CCDC88C: variants seen among roughly 807,000 people sequenced by gnomAD.
CCDC88C encodes the protein protein Daple.
Under a neutral mutation model 198.8 loss-of-function variants are expected in CCDC88C, and 131 were observed. The observed-to-expected ratio is 0.66, with a 90% CI of 0.57 to 0.76. The LOEUF (loss-of-function observed/expected upper bound fraction) is 0.76, where lower values mean the gene tolerates loss of function less well. Ranked by LOEUF, CCDC88C falls within the 30% of genes least tolerant of loss-of-function variation. The pLI is 0.00. For synonymous variants in CCDC88C, 1,166 were observed against 1,114.7 expected (o/e 1.05, Z -0.92); for missense variants, 2,553 against 2,631.6 (o/e 0.97, Z 0.65).
chr14:91,402,718 G>C (rs1339010425), intron 3 of CCDC88C, among the ~76,000 whole-genome samples: 1 of 152,126 alleles, frequency 6.6e-6, no homozygotes, highest in Non-Finnish European at 1.5e-5. Context: ...AAAGGAAAAG[G>C]TCTCAAGCAA....
At chr14:91,278,862 G>C (rs1264520699) in intron 28 of CCDC88C, among the ~76,000 whole-genome samples, 1 of 130,062 alleles carries the variant, frequency 7.7e-6, no homozygotes, top group Non-Finnish European at 1.6e-5. Flanking sequence ...ATAATAATAT[G>C]ACCCCAGAGC....
At chr14:91,300,168 T>C (rs1453368298) in intron 20 of CCDC88C, 98 bp from the exon 21 acceptor site, 11 of 1,490,922 alleles carry the variant, frequency 7.4e-6, no homozygotes, top group South Asian at 6.3e-5. Flanking sequence ...CGTGAGAAAA[T>C]GGGATTCCTC....
chr14:91,327,563 T>C (rs1257631327), intron 10 of CCDC88C, among the ~76,000 whole-genome samples: 1 of 152,158 alleles, frequency 6.6e-6, no homozygotes, highest in Non-Finnish European at 1.5e-5. Flanking sequence ...GCCACGAACC[T>C]AGTGAGGTAC....
chr14:91,367,343 T>C (rs1894590085), intron 3 of CCDC88C, among the ~76,000 whole-genome samples: 2 of 152,160 alleles, frequency 1.3e-5, no homozygotes, highest in South Asian at 4.2e-4. Context: ...AAGAGAGCCT[T>C]CCACACAGCC....
chr14:91,307,252 G>A (rs1179531312), intron 17 of CCDC88C, 26 bp from the exon 18 acceptor site: 1 of 1,607,336 alleles, frequency 6.2e-7, no homozygotes, highest in East Asian at 2.2e-5. Flanking sequence ...TAAGCAAGGA[G>A]GCTTTAGGCG....
chr14:91,305,936 C>T lies in CCDC88C; in HGVS notation c.3196-10G>A, dbSNP rs748133657. 1.1e-5 allele frequency: 17 copies of T among 1,611,084 alleles called. No homozygotes were observed. Among genetic ancestry groups the T allele is most frequent in the South Asian group, 3.3e-5 (3 of 91,000 alleles). ...CCTGCAGAGCTGCATTCTAGAAGAT[C>T]GGGAGGCATGAGCGAATCAAACTCC... On this transcript the variant is annotated splice_polypyrimidine_tract_variant and intron_variant, in intron 18 of 29. Coordinates refer to ENST00000389857, the MANE Select transcript of CCDC88C (RefSeq NM_001080414.4).
At chr14:91,395,084 G>A (rs561437599) in intron 3 of CCDC88C, among the ~76,000 whole-genome samples, 5 of 152,292 alleles carry the variant, frequency 3.3e-5, no homozygotes, top group Admixed American at 2.0e-4. Context: ...GACTCTCAGA[G>A]ATGAAGTAAC....
chr14:91,283,250 T>C (rs1890272010), intron 26 of CCDC88C, 79 bp downstream of exon 26: 3 of 1,424,492 alleles, frequency 2.1e-6, no homozygotes, highest in East Asian at 2.4e-5. Flanking sequence ...GAGCAACCTC[T>C]CTGATTTCCG....
chr14:91,413,109 C>A (rs1028475232), intron 2 of CCDC88C, among the ~76,000 whole-genome samples: 1 of 152,166 alleles, frequency 6.6e-6, no homozygotes, highest in African/African-American at 2.4e-5. Context: ...TTAAAGGGCA[C>A]AAGCTCTCAG....
rs771338093 is a variant in CCDC88C, at chr14:91,318,818, C to T, written c.1527+2302G>A. 1.9e-4 allele frequency among the ~76,000 whole-genome samples: 29 copies of T among 148,818 alleles called. 1 individual carries two copies. The highest frequency in any genetic ancestry group is 4.0e-4 in the Non-Finnish European group (27 of 67,732). Reference sequence around the variant, plus strand: ...CTGTAATCCCAGCTACTTGGGAGGCCGAGACAGGAGCATCGCTTGAACCCA... The same window carrying T: ...CTGTAATCCCAGCTACTTGGGAGGCTGAGACAGGAGCATCGCTTGAACCCA... On this transcript the variant is annotated intron_variant, in intron 13 of 29. Transcript: ENST00000389857.
intron 3 of CCDC88C, among the ~76,000 whole-genome samples, chr14:91,385,924 G>C (rs1427312059): frequency 2.0e-5 from 3 of 152,240 alleles, no homozygotes; most frequent in Non-Finnish European, 2.9e-5. Flanking sequence ...CTATATCAGA[G>C]GCCACACAGT....
In CCDC88C at chr14:91,376,999, C is replaced by A. The variant is rs951890758; in HGVS notation, c.271-17288G>T. On this transcript the variant is annotated intron_variant, in intron 3 of 29. Coordinates refer to ENST00000389857, the MANE Select transcript of CCDC88C (RefSeq NM_001080414.4). ...GAGCAAAGCTGCCTGCCCGCCCCCCCTCCCTAACCAACTGCCACAAAGTGG... is the reference window on the plus strand; with the variant it reads ...GAGCAAAGCTGCCTGCCCGCCCCCCATCCCTAACCAACTGCCACAAAGTGG... 2.6e-5 allele frequency among the ~76,000 whole-genome samples: 4 copies of A among 152,000 alleles called. No homozygotes were observed. In the South Asian group the frequency reaches 8.3e-4, roughly 32 times the overall value.
chr14:91,399,838 C>CAAA (rs71120133), intron 3 of CCDC88C, among the ~76,000 whole-genome samples: 126 of 75,116 alleles, frequency 1.7e-3, no homozygotes, highest in African/African-American at 5.8e-3. Flanking sequence ...GACTCCCTCT[C>CAAA]AAAAAAAAAA....
chr14:91,306,000 G>T, intron 18 of CCDC88C, 74 bp from the exon 19 acceptor site: 2 of 1,491,516 alleles, frequency 1.3e-6, no homozygotes, highest in Non-Finnish European at 1.8e-6. Flanking sequence ...TACTTGGGTT[G>T]TAACGAACCC....
At chr14:91,347,816 C>T (rs541336325) in intron 4 of CCDC88C, among the ~76,000 whole-genome samples, 1 of 152,290 alleles carries the variant, frequency 6.6e-6, no homozygotes, top group African/African-American at 2.4e-5. Context: ...CCATTTGACC[C>T]AGCCATCCCA....
At chr14:91,344,209 T>A (rs1321625976) in intron 4 of CCDC88C, among the ~76,000 whole-genome samples, 2 of 151,644 alleles carry the variant, frequency 1.3e-5, no homozygotes, top group African/African-American at 4.8e-5. Flanking sequence ...CTCCCCATGA[T>A]AATTAACAAA....
At chr14:91,350,000 T>G (rs914695459) in intron 4 of CCDC88C, among the ~76,000 whole-genome samples, 3 of 152,130 alleles carry the variant, frequency 2.0e-5, no homozygotes, top group Non-Finnish European at 4.4e-5. Flanking sequence ...GAACTAGGCC[T>G]CAGAATCCTT....
intron 3 of CCDC88C, among the ~76,000 whole-genome samples, chr14:91,362,790 G>A (rs1254131926): frequency 1.3e-5 from 2 of 152,070 alleles, no homozygotes; most frequent in East Asian, 1.9e-4. Context: ...TAAGCTGGGC[G>A]TGGTGGCGGG....
At chr14:91,341,391 GGT>G (rs896207201) in intron 6 of CCDC88C, among the ~76,000 whole-genome samples, 1 of 152,112 alleles carries the variant, frequency 6.6e-6, no homozygotes, top group Non-Finnish European at 1.5e-5. Context: ...TGACTCAGTG[GGT>G]CTCTCATGGG....
Sources: allele counts gnomAD v4.1 joint callset (sites outside exome capture counted in the v4.1 genomes callset), GRCh38; gene constraint gnomAD v4.1.1; transcripts MANE v1.5; gene names NCBI Gene and HGNC (gene_info 2026-07-23, HGNC 2026-07-21).